Variants in LRRIQ3 observed in about 807,000 individuals in gnomAD.
LRRIQ3 encodes the protein leucine-rich repeat and IQ domain-containing protein 3.
A neutral mutation model predicts 59.3 loss-of-function variants in LRRIQ3; 75 were observed. That is an observed-to-expected ratio of 1.26 (90% confidence interval 1.05 to 1.53). The LOEUF is 1.53. Ranked by LOEUF, LRRIQ3 falls within the 40% of genes most tolerant of loss-of-function variation. The pLI is 0.00. For missense variants in LRRIQ3, 831 were observed against 710.0 expected (o/e 1.17, Z -1.94); for synonymous variants, 250 against 231.3 (o/e 1.08, Z -0.73).
rs374139391 is a variant in LRRIQ3, at chr1:74,096,435, GC to G, written c.867+12958del. ...ACAAAACTGGACCAATTATAGGAAA[GC>G]CAGTCAAAAGGCAATTATAGGAAAG... On this transcript the variant is annotated intron_variant, in intron 5 of 7. Coordinates refer to ENST00000354431, the MANE Select transcript of LRRIQ3 (RefSeq NM_001105659.2). Among the ~76,000 whole-genome samples the G allele has an allele frequency of 2.0e-3, 306 of 152,124 alleles. 3 individuals are homozygous for G. Among genetic ancestry groups the G allele is most frequent in the African/African-American group, 6.6e-3 (275 of 41,510 alleles).
chr1:74,111,606 G>A (rs1323441420), intron 4 of LRRIQ3, among the ~76,000 whole-genome samples: 1 of 152,058 alleles, frequency 6.6e-6, no homozygotes, highest in Non-Finnish European at 1.5e-5. Flanking sequence ...ACAATATCTA[G>A]TGGAAATTAT....
chr1:74,131,410 G>A (rs917390834), intron 4 of LRRIQ3, among the ~76,000 whole-genome samples: 4 of 152,120 alleles, frequency 2.6e-5, no homozygotes, highest in South Asian at 2.1e-4. Context: ...AAGCCTGGCA[G>A]AGACACAACA....
At chr1:74,174,214 T>A (rs1415809719) in intron 3 of LRRIQ3, among the ~76,000 whole-genome samples, 1 of 152,042 alleles carries the variant, frequency 6.6e-6, no homozygotes, top group Non-Finnish European at 1.5e-5. Flanking sequence ...ACACTTTTTT[T>A]TTCTTTTCTT....
intron 6 of LRRIQ3, among the ~76,000 whole-genome samples, chr1:74,048,437 G>T (rs1412747520): frequency 1.3e-5 from 2 of 152,078 alleles, no homozygotes; most frequent in African/African-American, 4.8e-5. Context: ...TGTTATTAAT[G>T]TAACAGATAA....
intron 5 of LRRIQ3, among the ~76,000 whole-genome samples, chr1:74,091,977 TC>T: frequency 6.6e-6 from 1 of 151,662 alleles, no homozygotes; most frequent in East Asian, 1.9e-4. Context: ...CCTACATATT[TC>T]AGCCTTCCTT....
intron 3 of LRRIQ3, among the ~76,000 whole-genome samples, chr1:74,171,919 T>C (rs937068856): frequency 3.9e-5 from 6 of 152,142 alleles, no homozygotes; most frequent in Non-Finnish European, 8.8e-5. Context: ...TTGGAGTATG[T>C]TTTAAATGAG....
At chr1:74,082,588 G>A (rs896097193) in intron 5 of LRRIQ3, 5 of 151,348 alleles carry the variant, frequency 3.3e-5, no homozygotes, top group African/African-American at 9.7e-5. Flanking sequence ...AGCCACAAAC[G>A]GGGACTTGCC....
At chr1:74,069,831 A>C (rs1037081221) in intron 6 of LRRIQ3, among the ~76,000 whole-genome samples, 3 of 152,078 alleles carry the variant, frequency 2.0e-5, no homozygotes, top group Non-Finnish European at 4.4e-5. Flanking sequence ...AGGATTTCAT[A>C]TGCCCTAGTT....
intron 6 of LRRIQ3, among the ~76,000 whole-genome samples, chr1:74,069,061 G>A (rs77673082): frequency 0.034 from 5,107 of 152,138 alleles, 308 homozygotes; most frequent in African/African-American, 0.12. Flanking sequence ...TCTGATCACA[G>A]GCAGGTTGAT....
chr1:74,078,412 T>G (rs904146436), intron 5 of LRRIQ3, among the ~76,000 whole-genome samples: 1 of 151,798 alleles, frequency 6.6e-6, no homozygotes, highest in Admixed American at 6.6e-5. Flanking sequence ...TAAGATAGTG[T>G]CAACAGCCTG....
chr1:74,112,032 GC>G (rs1178568228), intron 4 of LRRIQ3, among the ~76,000 whole-genome samples: 3 of 152,076 alleles, frequency 2.0e-5, no homozygotes, highest in Non-Finnish European at 2.9e-5. Flanking sequence ...GAATACTGGA[GC>G]CCTGGTAGCC....
At chr1:74,029,503 T>C (rs184448037) in intron 7 of LRRIQ3, among the ~76,000 whole-genome samples, 3 of 152,288 alleles carry the variant, frequency 2.0e-5, no homozygotes, top group South Asian at 2.1e-4. Flanking sequence ...ATTACGTTTA[T>C]TGATTTGAGT....
intron 5 of LRRIQ3, among the ~76,000 whole-genome samples, chr1:74,080,564 C>A (rs1045621650): frequency 1.3e-5 from 2 of 151,676 alleles, no homozygotes; most frequent in Admixed American, 6.6e-5. Context: ...ATTCAAGGTG[C>A]ATTTTCAACC....
At chr1:74,195,726 C>A (rs1046627597) in intron 1 of LRRIQ3, among the ~76,000 whole-genome samples, 3 of 152,184 alleles carry the variant, frequency 2.0e-5, no homozygotes, top group East Asian at 3.9e-4. Context: ...CAGATTATTT[C>A]CTGTGTGTTT....
chr1:74,170,747 T>C (rs1649274056), intron 3 of LRRIQ3, among the ~76,000 whole-genome samples: 1 of 152,130 alleles, frequency 6.6e-6, no homozygotes, highest in Non-Finnish European at 1.5e-5. Context: ...ATTGATCAAA[T>C]CTGCATTGCT....
chr1:74,085,738 T>C (rs554732442), intron 5 of LRRIQ3, among the ~76,000 whole-genome samples: 28 of 151,986 alleles, frequency 1.8e-4, no homozygotes, highest in Non-Finnish European at 2.8e-4. Flanking sequence ...GATAGCATAA[T>C]TGTAGAAAGA....
intron 6 of LRRIQ3, among the ~76,000 whole-genome samples, chr1:74,044,174 G>A (rs1654130365): frequency 6.6e-6 from 1 of 152,056 alleles, no homozygotes; most frequent in Non-Finnish European, 1.5e-5. Flanking sequence ...GGTCTTTGAT[G>A]CTACATTCCC....
chr1:74,066,442 G>C (rs1654868991), intron 6 of LRRIQ3, among the ~76,000 whole-genome samples: 1 of 151,804 alleles, frequency 6.6e-6, no homozygotes, highest in Admixed American at 6.6e-5. Flanking sequence ...TTATACAATA[G>C]ACACATTTTT....
chr1:74,127,318 T>A (rs529558611), intron 4 of LRRIQ3, among the ~76,000 whole-genome samples: 1 of 152,002 alleles, frequency 6.6e-6, no homozygotes, highest in Non-Finnish European at 1.5e-5. Flanking sequence ...ATGCTTTTGA[T>A]TGGAGAGGTT....
Sources: gnomAD v4.1 joint callset for allele counts (sites outside exome capture counted in the v4.1 genomes callset) on GRCh38, gnomAD v4.1.1 for gene constraint, MANE v1.5 for transcripts, NCBI Gene and HGNC (gene_info 2026-07-23, HGNC 2026-07-21) for gene names.